The following HGF variants were observed in gnomAD, a reference collection of about 807,000 sequenced individuals.
The protein encoded by HGF is fibroblast-derived tumor cytotoxic factor.
In HGF, 39 loss-of-function variants were observed where a neutral mutation model predicts 111.6. That is an observed-to-expected ratio of 0.35 (90% CI 0.27 to 0.46). The LOEUF is 0.46. Ranked by LOEUF, HGF falls within the 20% of genes least tolerant of loss-of-function variation. HGF has a pLI of 1.00. For synonymous variants in HGF, 285 were observed against 294.8 expected, an observed-to-expected ratio of 0.97 and a Z score of 0.34; for missense variants, 735 against 910.5, an observed-to-expected ratio of 0.81 and a Z score of 2.48.
In HGF at chr7:81,699,301, A is replaced by C. The variant is rs1449775192; in HGVS notation, c.*3280T>G. On this transcript the variant is annotated 3_prime_UTR_variant, in exon 18 of 18. Transcript: ENST00000222390. ...ACACTGTCAAGATATATATGGTCCA[A>C]AAAATTTTAACTTTTTTTGTATTAG... 1 of 151,536 alleles carries C rather than the reference A, an allele frequency of 6.6e-6. No homozygotes were observed. The highest frequency in any genetic ancestry group is 1.5e-5 in the Non-Finnish European group (1 of 67,638). The allele number at this position is 151,536 out of a possible 1,614,324, so 9.4% of individuals were successfully genotyped here.
At chr7:81,713,376 AT>A (rs1789623249) in intron 11 of HGF, among the ~76,000 whole-genome samples, 1 of 151,992 alleles carries the variant, frequency 6.6e-6, no homozygotes, top group South Asian at 2.1e-4. Context: ...AATACAAAAA[AT>A]CAGCCAGGTG....
At position 81,757,178 on chromosome 7, in the gene HGF, A is replaced by G; in HGVS notation, c.482+11T>C. On this transcript the variant is annotated intron_variant, in intron 4 of 17. Coordinates refer to ENST00000222390, the MANE Select transcript of HGF (RefSeq NM_000601.6). ...CAGAGGCTTCATCTCTTTTCTTCAT[A>G]CTGTTCTTACCTGTGTTCGTGTGGT... 1 of 1,324,206 alleles carries G rather than the reference A, an allele frequency of 7.6e-7. No homozygotes were observed. The highest frequency in any genetic ancestry group is 1.1e-6 in the Non-Finnish European group (1 of 915,330). The allele number at this position is 1,324,206 out of a possible 1,614,324, so 82.0% of individuals were successfully genotyped here.
At chr7:81,733,051 T>C (rs1354267441) in intron 7 of HGF, among the ~76,000 whole-genome samples, 1 of 152,138 alleles carries the variant, frequency 6.6e-6, no homozygotes, top group African/African-American at 2.4e-5. Context: ...ATAAATCTCA[T>C]CACTTGAGCT....
At chr7:81,736,532 A>C (rs2115970522) in intron 7 of HGF, among the ~76,000 whole-genome samples, 1 of 152,230 alleles carries the variant, frequency 6.6e-6, no homozygotes, top group Admixed American at 6.6e-5. Context: ...CTTTATCATA[A>C]GAATATATGG....
At chr7:81,713,436 G>A (rs1283455483) in intron 11 of HGF, among the ~76,000 whole-genome samples, 7 of 151,352 alleles carry the variant, frequency 4.6e-5, no homozygotes, top group Non-Finnish European at 8.8e-5. Flanking sequence ...TGAGGCAGGA[G>A]AATCGCTTAA....
chr7:81,708,479 A>G (rs912674165), intron 13 of HGF, among the ~76,000 whole-genome samples: 8 of 148,976 alleles, frequency 5.4e-5, no homozygotes, highest in Non-Finnish European at 1.0e-4. Context: ...AGAATCACCA[A>G]TTAACTCAAA....
intron 11 of HGF, among the ~76,000 whole-genome samples, chr7:81,711,833 G>A (rs1324735286): frequency 2.0e-5 from 3 of 151,962 alleles, no homozygotes; most frequent in Admixed American, 6.6e-5. Flanking sequence ...TAGTAGAGAC[G>A]GGATTTCGCC....
chr7:81,711,569 C>G, intron 11 of HGF, 50 bp from the exon 12 acceptor site: 1 of 783,952 alleles, frequency 1.3e-6, no homozygotes, highest in Non-Finnish European at 2.1e-6. Context: ...ATGCATATAT[C>G]TGTTATATAA....
At chr7:81,736,390 G>A (rs1787826935) in intron 7 of HGF, among the ~76,000 whole-genome samples, 1 of 152,048 alleles carries the variant, frequency 6.6e-6, no homozygotes. Context: ...TTGTAGTGCT[G>A]ATACCCAAGT....
intron 6 of HGF, among the ~76,000 whole-genome samples, chr7:81,744,302 GA>G (rs1788133868): frequency 3.0e-5 from 2 of 66,946 alleles, no homozygotes; most frequent in African/African-American, 6.5e-5. Flanking sequence ...AAGTAGACAT[GA>G]TTTTTTTTTT....
In HGF at chr7:81,705,699, G is replaced by A. The variant is rs2115766049; in HGVS notation, c.1812C>T (p.Cys604=). The A allele has an allele frequency of 6.2e-7, 1 of 1,612,538 alleles. No homozygotes were observed. Among genetic ancestry groups the A allele is most frequent in the Non-Finnish European group, 8.5e-7 (1 of 1,178,954 alleles). The change falls in exon 16 of 18, where the codon TGC becomes TGT. Residue 604 remains cysteine (C), a synonymous_variant. Transcript: ENST00000222390. The part of the protein sequence containing the change: ...VSTIDLPNYG[C]TIPEKTSCSV... Reference sequence around the variant, plus strand: ...TGCAACTGGTCTTTTCAGGAATTGTGCATCCATAATTAGGTAAATCAATCG... The same window carrying A: ...TGCAACTGGTCTTTTCAGGAATTGTACATCCATAATTAGGTAAATCAATCG...
chr7:81,740,927 GTGT>G (rs898974565), intron 7 of HGF, among the ~76,000 whole-genome samples: 2 of 152,146 alleles, frequency 1.3e-5, no homozygotes, highest in African/African-American at 4.8e-5. Context: ...TAATAAACGT[GTGT>G]TGTTGTTAGC....
intron 8 of HGF, among the ~76,000 whole-genome samples, chr7:81,728,621 T>C (rs561701183): frequency 2.0e-5 from 3 of 152,356 alleles, no homozygotes; most frequent in African/African-American, 7.2e-5. Context: ...AATTTTGTTA[T>C]TGTAAACTAA....
At position 81,744,989 on chromosome 7, in the gene HGF, T is replaced by C; in HGVS notation, c.746+11A>G. The C allele has an allele frequency of 6.2e-7, 1 of 1,613,664 alleles. No individual in the cohort carries two copies. Among genetic ancestry groups the C allele is most frequent in the Non-Finnish European group, 8.5e-7 (1 of 1,179,740 alleles). On this transcript the variant is annotated intron_variant, in intron 6 of 17. Transcript: ENST00000222390. ...AAGAATCACTGAAAGCATGATTCAT[T>C]AATATTTTACCTTTCAGGCAAGAAT...
At chr7:81,734,036 G>A (rs555677794) in intron 7 of HGF, among the ~76,000 whole-genome samples, 34 of 152,116 alleles carry the variant, frequency 2.2e-4, no homozygotes, top group Admixed American at 1.4e-3. Context: ...AGTAAGGGAG[G>A]GTTTTGAAAA....
intron 7 of HGF, chr7:81,743,095 T>C: frequency 1.3e-6 from 1 of 778,724 alleles, no homozygotes. Context: ...CTTGATAACA[T>C]TAGAATGTTT....
At chr7:81,702,830 G>T (rs1259348057) in intron 17 of HGF, 73 bp from the exon 18 acceptor site, 37 of 1,226,776 alleles carry the variant, frequency 3.0e-5, no homozygotes, top group Non-Finnish European at 4.1e-5. Context: ...ATCATATATA[G>T]ATTTGCATCT....
In HGF at chr7:81,762,838, T is replaced by C. The variant is rs1233357835; in HGVS notation, c.123A>G (p.Glu41=). The C allele has an allele frequency of 6.3e-7, 1 of 1,588,442 alleles. No homozygotes were observed. Among genetic ancestry groups the C allele is most frequent in the African/African-American group, 1.3e-5 (1 of 74,392 alleles). Residue 41 remains glutamate, a synonymous_variant, in exon 2 of 18, where the codon GAA becomes GAG. Coordinates refer to ENST00000222390, the MANE Select transcript of HGF (RefSeq NM_000601.6). ...GGGTAGTCTTTGCTGATTTTTTGAATTCATGAATTGTATTTCTTCTTTTCC... is the reference window on the plus strand; with the variant it reads ...GGGTAGTCTTTGCTGATTTTTTGAACTCATGAATTGTATTTCTTCTTTTCC... ...GQRKRRNTIH[E]FKKSAKTTLI...
chr7:81,760,688 TGTG>T (rs1789025385), intron 2 of HGF, among the ~76,000 whole-genome samples: 1 of 140,040 alleles, frequency 7.1e-6, no homozygotes, highest in Non-Finnish European at 1.6e-5. Context: ...TGCGTGTGTG[TGTG>T]TGTGTGTGTG....
Sources: allele counts gnomAD v4.1 joint callset (sites outside exome capture counted in the v4.1 genomes callset), GRCh38; gene constraint gnomAD v4.1.1; transcripts MANE v1.5; gene names NCBI Gene and HGNC (gene_info 2026-07-23, HGNC 2026-07-21).